Variants in ZNF365 observed in about 807,000 individuals in gnomAD.
ZNF365 encodes protein ZNF365.
A neutral mutation model predicts 35.0 loss-of-function variants in ZNF365; 22 were observed. That is an observed-to-expected ratio of 0.63 (90% CI 0.45 to 0.90). ZNF365 has a LOEUF of 0.90. Among genes scored for constraint, ZNF365 ranks in the 40% least tolerant of loss-of-function variants. The pLI, the probability that ZNF365 is intolerant of heterozygous loss-of-function variation, is 0.00. For missense variants in ZNF365, 448 were observed against 500.3 expected (o/e 0.90, Z 1.00); for synonymous variants, 188 against 196.2 (o/e 0.96, Z 0.35).
At chr10:62,474,525 G>A (rs879497899) in intron 4 of ZNF365, among the ~76,000 whole-genome samples, 2 of 152,170 alleles carry the variant, frequency 1.3e-5, no homozygotes, top group African/African-American at 2.4e-5. Flanking sequence ...TTCTGTGAGA[G>A]CCTATTTTTC....
intron 3 of ZNF365, among the ~76,000 whole-genome samples, chr10:62,443,969 A>T (rs1054109311): frequency 6.6e-6 from 1 of 152,222 alleles, no homozygotes; most frequent in South Asian, 2.1e-4. Context: ...AAAGGGGTAC[A>T]TTCATCTGTT....
intron 3 of ZNF365, among the ~76,000 whole-genome samples, chr10:62,424,320 A>G (rs1840219147): frequency 6.6e-6 from 1 of 152,184 alleles, no homozygotes; most frequent in African/African-American, 2.4e-5. Flanking sequence ...TTTTGCAGGC[A>G]CCAGTACCAT....
chr10:62,475,691 A>T (rs558710287), intron 4 of ZNF365, among the ~76,000 whole-genome samples: 136 of 152,276 alleles, frequency 8.9e-4, no homozygotes, highest in Admixed American at 1.6e-3. Flanking sequence ...TTCAAATGGA[A>T]AAGTGGGAGT....
intron 4 of ZNF365, among the ~76,000 whole-genome samples, chr10:62,464,661 C>T (rs904440462): frequency 6.6e-6 from 1 of 152,222 alleles, no homozygotes; most frequent in Non-Finnish European, 1.5e-5. Flanking sequence ...AGATATATTC[C>T]TTTCCCCATT....
chr10:62,465,524 T>C (rs1840927466), intron 4 of ZNF365, among the ~76,000 whole-genome samples: 1 of 152,152 alleles, frequency 6.6e-6, no homozygotes, highest in African/African-American at 2.4e-5. Context: ...TGAGAACTCA[T>C]GGTGTTTTTT....
At chr10:62,453,689 T>C (rs1840720182) in intron 3 of ZNF365, among the ~76,000 whole-genome samples, 1 of 152,242 alleles carries the variant, frequency 6.6e-6, no homozygotes, top group South Asian at 2.1e-4. Context: ...GTTCTATTTT[T>C]AGTTCTTTGA....
intron 3 of ZNF365, among the ~76,000 whole-genome samples, chr10:62,411,742 G>T (rs1411610269): frequency 5.3e-5 from 8 of 151,984 alleles, no homozygotes; most frequent in Non-Finnish European, 1.0e-4. Flanking sequence ...TTTTGCTTAG[G>T]ATTGTCTTGG....
chr10:62,455,186 G>A (rs934729279), intron 3 of ZNF365, among the ~76,000 whole-genome samples: 1 of 152,150 alleles, frequency 6.6e-6, no homozygotes, highest in Non-Finnish European at 1.5e-5. Flanking sequence ...GCTGTGGAAG[G>A]ATCACTCTGG....
At chr10:62,465,284 G>GCAC (rs1326405756) in intron 4 of ZNF365, among the ~76,000 whole-genome samples, 1 of 152,208 alleles carries the variant, frequency 6.6e-6, no homozygotes, top group Non-Finnish European at 1.5e-5. Context: ...CAGGCTTTGG[G>GCAC]CACTGACAAG....
chr10:62,436,891 A>G (rs553071777), intron 3 of ZNF365, among the ~76,000 whole-genome samples: 1 of 152,152 alleles, frequency 6.6e-6, no homozygotes, highest in Admixed American at 6.5e-5. Context: ...AGCTCAATGC[A>G]CCGTAAACAA....
At chr10:62,418,237 C>CACAT (rs1453340007) in intron 3 of ZNF365, among the ~76,000 whole-genome samples, 2 of 151,852 alleles carry the variant, frequency 1.3e-5, no homozygotes, top group Admixed American at 1.3e-4. Flanking sequence ...CATAAAAAAG[C>CACAT]ACATACATTT....
At position 62,401,525 on chromosome 10, in the gene ZNF365, T is replaced by A; in HGVS notation, c.*1736T>A. ...CATTCATGTGATATATAAGCAGCTA[T>A]CAAGTGGGCAAAAACATTGCTGTGA... On this transcript the variant is annotated 3_prime_UTR_variant, in exon 5 of 5. Transcript: ENST00000395254. 1 of 985,538 alleles carries A rather than the reference T, an allele frequency of 1.0e-6. No individual in the cohort carries two copies. The highest frequency in any genetic ancestry group is 1.2e-6 in the Non-Finnish European group (1 of 829,930). 61.0% of individuals were successfully genotyped at this position (985,538 alleles called of 1,614,324 possible). A position where few individuals can be genotyped will look rare whatever the true frequency, so the allele number is the denominator to read the frequency against.
rs761217014 is a variant in ZNF365 at position 62,399,607 on chromosome 10, A to C, written c.1042A>C (p.Lys348Gln). Residue 348 changes from lysine (K) to glutamine (Q), a missense_variant, in exon 5 of 5, where the codon AAA becomes CAA. By Grantham distance (53) the Lys-to-Gln change is moderately conservative (BLOSUM62 1). Transcript: ENST00000395254. ...HFHPKGRNHLKKAKDDRASMQ... is the reference protein window; with the variant it reads ...HFHPKGRNHLQKAKDDRASMQ... The stretch of plus-strand genomic sequence containing the variant: ...CCACCCAAAGGGAAGGAACCACCTG[A>C]AAAAGGCCAAGGATGACAGAGCCAG... 3 of 1,612,364 alleles carry C rather than the reference A, an allele frequency of 1.9e-6. No homozygotes were observed. Among genetic ancestry groups the C allele is most frequent in the Admixed American group, 1.7e-5 (1 of 59,972 alleles).
intron 3 of ZNF365, among the ~76,000 whole-genome samples, chr10:62,413,510 C>A (rs1840021967): frequency 1.3e-5 from 2 of 152,066 alleles, no homozygotes; most frequent in African/African-American, 4.8e-5. Context: ...ACTGAGCACC[C>A]CTCTGTCTTC....
At chr10:62,460,741 C>G (rs1413115906) in intron 4 of ZNF365, among the ~76,000 whole-genome samples, 3 of 152,064 alleles carry the variant, frequency 2.0e-5, no homozygotes, top group Non-Finnish European at 4.4e-5. Flanking sequence ...TATCAGAAGA[C>G]AAGAGTTGAA....
At chr10:62,396,209 T>G (rs1839724642) in intron 3 of ZNF365, among the ~76,000 whole-genome samples, 1 of 152,200 alleles carries the variant, frequency 6.6e-6, no homozygotes, top group East Asian at 1.9e-4. Context: ...TCCACTTAAT[T>G]TATTGTGTAC....
At position 62,399,904 on chromosome 10, in the gene ZNF365, G is replaced by A; in HGVS notation, c.*115G>A. The A allele has an allele frequency of 1.4e-6, 2 of 1,444,800 alleles. No homozygotes were observed. The highest frequency in any genetic ancestry group is 3.1e-5 in the South Asian group (2 of 65,284). 89.5% of individuals were successfully genotyped at this position (1,444,800 alleles called of 1,614,324 possible). ...TAGTAAGACACATTGGAAAAGCCAA[G>A]GGCATAACACAGGCAAGCACCTCAA... On this transcript the variant is annotated 3_prime_UTR_variant, in exon 5 of 5. Coordinates refer to ENST00000395254, the MANE Select transcript of ZNF365 (RefSeq NM_014951.3).
At chr10:62,402,816 T>C (rs942375685), downstream of ZNF365, among the ~76,000 whole-genome samples, 1 of 152,236 alleles carries the variant, frequency 6.6e-6, no homozygotes, top group Non-Finnish European at 1.5e-5. Flanking sequence ...GTATATGCTA[T>C]ACATCCAAGA....
At chr10:62,396,190 G>A (rs537201666) in intron 3 of ZNF365, among the ~76,000 whole-genome samples, 1 of 152,304 alleles carries the variant, frequency 6.6e-6, no homozygotes, top group South Asian at 2.1e-4. Flanking sequence ...TTCTAGTCCA[G>A]CCATTGATTC....
Sources: gnomAD v4.1 joint callset for allele counts (sites outside exome capture counted in the v4.1 genomes callset) on GRCh38, gnomAD v4.1.1 for gene constraint, MANE v1.5 for transcripts, NCBI Gene and HGNC (gene_info 2026-07-23, HGNC 2026-07-21) for gene names.